The following HS6ST3 variants were observed in gnomAD, a reference collection of about 807,000 sequenced individuals.
HS6ST3 encodes heparan sulfate 6-O-sulfotransferase 3.
A neutral mutation model predicts 36.7 loss-of-function variants in HS6ST3; 12 were observed. That is an observed-to-expected ratio of 0.33 (90% CI 0.21 to 0.53). The LOEUF is 0.53. Among genes scored for constraint, HS6ST3 ranks in the 20% least tolerant of loss-of-function variants. The probability of loss-of-function intolerance (pLI) is 0.95; values close to 1 mark genes in which losing one functional copy is unlikely to be tolerated. For synonymous variants in HS6ST3, 240 were observed against 257.5 expected (o/e 0.93, Z 0.65); for missense variants, 584 against 640.9 (o/e 0.91, Z 0.96).
At position 96,136,682 on chromosome 13, in the gene HS6ST3, C is replaced by CATATATATATATAT. The variant is rs56247662; in HGVS notation, c.707+45137_707+45150dup. ...AGGTATACAGCATGATGTTATGAAA[C>CATATATATATATAT]ATATATATATATATATATATATATA... On this transcript the variant is annotated intron_variant, in intron 1 of 1. Transcript: ENST00000376705. Among the ~76,000 whole-genome samples, 191 of 130,492 alleles carry CATATATATATATAT rather than the reference C, an allele frequency of 1.5e-3. 3 individuals are homozygous for CATATATATATATAT. Among genetic ancestry groups the CATATATATATATAT allele is most frequent in the East Asian group, 1.8e-3 (8 of 4,432 alleles). The allele number at this position is 130,492 out of a possible 152,430, so 85.6% of individuals were successfully genotyped here.
chr13:96,753,425 A>T (rs897593553), intron 1 of HS6ST3, among the ~76,000 whole-genome samples: 1 of 152,176 alleles, frequency 6.6e-6, no homozygotes, highest in Non-Finnish European at 1.5e-5. Flanking sequence ...ATCCACAATG[A>T]TCTACATCTT....
chr13:96,514,222 G>T (rs914417808), intron 1 of HS6ST3, among the ~76,000 whole-genome samples: 2 of 152,170 alleles, frequency 1.3e-5, no homozygotes, highest in African/African-American at 4.8e-5. Flanking sequence ...TGATACCAGC[G>T]TGCAGTAGGT....
chr13:96,389,015 GA>G (rs2055382513), intron 1 of HS6ST3, among the ~76,000 whole-genome samples: 1 of 152,060 alleles, frequency 6.6e-6, no homozygotes, highest in Admixed American at 6.6e-5. Flanking sequence ...AACATAGCTG[GA>G]AAAACATTGT....
At chr13:96,723,383 A>G (rs1471648464) in intron 1 of HS6ST3, among the ~76,000 whole-genome samples, 1 of 152,172 alleles carries the variant, frequency 6.6e-6, no homozygotes, top group Non-Finnish European at 1.5e-5. Flanking sequence ...AGTGATGAGC[A>G]GAATAAACTT....
chr13:96,660,082 C>T (rs768701460), intron 1 of HS6ST3, among the ~76,000 whole-genome samples: 1 of 151,978 alleles, frequency 6.6e-6, no homozygotes, highest in African/African-American at 2.4e-5. Flanking sequence ...AATCATAATG[C>T]ACCCTCATTT....
chr13:96,759,117 T>G (rs1298683549), intron 1 of HS6ST3, among the ~76,000 whole-genome samples: 1 of 151,882 alleles, frequency 6.6e-6, no homozygotes. Flanking sequence ...ATTACTACCT[T>G]TCTTATATTT....
chr13:96,543,205 A>T (rs1343400798), intron 1 of HS6ST3, among the ~76,000 whole-genome samples: 1 of 152,130 alleles, frequency 6.6e-6, no homozygotes, highest in Non-Finnish European at 1.5e-5. Context: ...TGCATTTCTC[A>T]CTACCTGATT....
At chr13:96,176,547 A>T (rs1333759481) in intron 1 of HS6ST3, among the ~76,000 whole-genome samples, 3 of 152,170 alleles carry the variant, frequency 2.0e-5, no homozygotes, top group African/African-American at 7.2e-5. Flanking sequence ...TTGCCAAAAA[A>T]AAAAAAATTG....
rs1269987407 is a variant in HS6ST3 at position 96,460,022 on chromosome 13, A to AGG, written c.707+368454_707+368455insGG. ...AATTGGTTTACTTCAAATACTTTTGAGTAGCTAAATTTGCTATATTGCAGT... is the reference window on the plus strand; with the variant it reads ...AATTGGTTTACTTCAAATACTTTTGAGGGTAGCTAAATTTGCTATATTGCAGT... On this transcript the variant is annotated intron_variant, in intron 1 of 1. Transcript: ENST00000376705. 2.6e-5 allele frequency among the ~76,000 whole-genome samples: 4 copies of AGG among 152,304 alleles called. No homozygotes were observed. In the East Asian group the frequency reaches 7.7e-4, roughly 29 times the overall value.
chr13:96,533,497 A>T (rs2056143750), intron 1 of HS6ST3, among the ~76,000 whole-genome samples: 1 of 152,182 alleles, frequency 6.6e-6, no homozygotes, highest in Non-Finnish European at 1.5e-5. Context: ...TCTATTGAAA[A>T]TCTGATTTCC....
At chr13:96,460,782 G>T (rs754131503) in intron 1 of HS6ST3, among the ~76,000 whole-genome samples, 6 of 152,172 alleles carry the variant, frequency 3.9e-5, no homozygotes, top group Admixed American at 6.5e-5. Flanking sequence ...AAGGAGATAG[G>T]TCTGGCAGTG....
chr13:96,318,535 AAAAAC>A (rs3084992), intron 1 of HS6ST3, among the ~76,000 whole-genome samples: 74,944 of 150,336 alleles, frequency 0.5, 19,530 homozygotes, highest in African/African-American at 0.65. Context: ...TCCTTCTCAA[AAAAAC>A]AAAACAAAAC....
intron 1 of HS6ST3, among the ~76,000 whole-genome samples, chr13:96,576,329 A>C (rs2056321091): frequency 6.9e-6 from 1 of 145,892 alleles, no homozygotes; most frequent in African/African-American, 2.4e-5. Flanking sequence ...ATGAAGATGG[A>C]AGGATTGTTT....
chr13:96,171,536 T>G (rs1194883027), intron 1 of HS6ST3, among the ~76,000 whole-genome samples: 2 of 152,196 alleles, frequency 1.3e-5, no homozygotes, highest in Admixed American at 1.3e-4. Context: ...CCAGCCAATC[T>G]CATACTATAT....
At chr13:96,458,229 A>G (rs1468440992) in intron 1 of HS6ST3, among the ~76,000 whole-genome samples, 1 of 152,184 alleles carries the variant, frequency 6.6e-6, no homozygotes, top group Non-Finnish European at 1.5e-5. Context: ...CCTGGAGTCA[A>G]GAATATACTG....
intron 1 of HS6ST3, among the ~76,000 whole-genome samples, chr13:96,649,031 A>G (rs937510353): frequency 6.6e-6 from 1 of 151,982 alleles, no homozygotes; most frequent in Non-Finnish European, 1.5e-5. Context: ...ACACTTGGAC[A>G]TCTTGAGCTC....
At chr13:96,185,504 T>A (rs562171038) in intron 1 of HS6ST3, among the ~76,000 whole-genome samples, 1 of 152,360 alleles carries the variant, frequency 6.6e-6, no homozygotes, top group African/African-American at 2.4e-5. Flanking sequence ...TGCACAATGC[T>A]GCCTCCTCAC....
chr13:96,578,794 A>G (rs1308649277), intron 1 of HS6ST3, among the ~76,000 whole-genome samples: 2 of 152,064 alleles, frequency 1.3e-5, no homozygotes, highest in Non-Finnish European at 2.9e-5. Context: ...TCCTGACCTC[A>G]AGTCATGAGC....
rs1399390432 is a variant in HS6ST3 at position 96,615,934 on chromosome 13, T to C, written c.708-216556T>C. Among the ~76,000 whole-genome samples, 6 of 152,344 alleles carry C rather than the reference T, an allele frequency of 3.9e-5. 1 individual carries two copies. The East Asian group carries it at 1.2e-3, about 29-fold the overall frequency. ...AGGAATTTTTTATTTTTCTTAATTA[T>C]AGTAAATGAAACTTTCCTACTAACA... On this transcript the variant is annotated intron_variant, in intron 1 of 1. Coordinates refer to ENST00000376705, the MANE Select transcript of HS6ST3 (RefSeq NM_153456.4).
Sources: allele counts gnomAD v4.1 joint callset (sites outside exome capture counted in the v4.1 genomes callset), GRCh38; gene constraint gnomAD v4.1.1; transcripts MANE v1.5; gene names NCBI Gene and HGNC (gene_info 2026-07-23, HGNC 2026-07-21).